The following NDUFAF2 variants were observed in gnomAD, a reference collection of about 807,000 sequenced individuals.
NDUFAF2 encodes NADH dehydrogenase [ubiquinone] 1 alpha subcomplex assembly factor 2.
A neutral mutation model predicts 22.8 loss-of-function variants in NDUFAF2; 13 were observed. That is an observed-to-expected ratio of 0.57 (90% confidence interval 0.37 to 0.91). The LOEUF is 0.91. Ranked by LOEUF, NDUFAF2 falls within the 40% of genes least tolerant of loss-of-function variation. The pLI is 0.01. For missense variants in NDUFAF2, 162 were observed against 195.2 expected, an observed-to-expected ratio of 0.83 and a Z score of 1.01; for synonymous variants, 53 against 64.2, an observed-to-expected ratio of 0.83 and a Z score of 0.84.
At chr5:61,052,223 G>A (rs1313667069) in intron 1 of NDUFAF2, among the ~76,000 whole-genome samples, 3 of 152,160 alleles carry the variant, frequency 2.0e-5, no homozygotes, top group Non-Finnish European at 2.9e-5. Context: ...CAGTATGAGA[G>A]CTTGTTAATT....
intron 2 of NDUFAF2, among the ~76,000 whole-genome samples, chr5:61,091,717 A>G (rs1752570550): frequency 1.3e-5 from 2 of 151,974 alleles, no homozygotes; most frequent in Non-Finnish European, 2.9e-5. Context: ...TGCAATTGCA[A>G]CAAAATTGCA....
intron 3 of NDUFAF2, among the ~76,000 whole-genome samples, chr5:61,109,905 G>T (rs933013586): frequency 6.6e-6 from 1 of 152,036 alleles, no homozygotes; most frequent in Non-Finnish European, 1.5e-5. Flanking sequence ...TGTCTTTATC[G>T]CAGTGTGAAA....
chr5:61,122,498 AT>A (rs1353112769), intron 3 of NDUFAF2, among the ~76,000 whole-genome samples: 17 of 152,300 alleles, frequency 1.1e-4, no homozygotes, highest in African/African-American at 4.1e-4. Flanking sequence ...CTCTACACTC[AT>A]TTAACTATCT....
At chr5:61,064,620 C>A (rs920499710) in intron 1 of NDUFAF2, among the ~76,000 whole-genome samples, 1 of 151,966 alleles carries the variant, frequency 6.6e-6, no homozygotes, top group Non-Finnish European at 1.5e-5. Flanking sequence ...TAAAAACATG[C>A]TCCTGAATGA....
intron 1 of NDUFAF2, among the ~76,000 whole-genome samples, chr5:61,045,247 ATAAAG>A (rs1446705987): frequency 1.6e-5 from 2 of 124,746 alleles, no homozygotes; most frequent in African/African-American, 3.0e-5. Context: ...ATAAAATAAA[ATAAAG>A]TTTTATTAAA....
chr5:61,141,223 G>T (rs538641904), intron 3 of NDUFAF2, among the ~76,000 whole-genome samples: 14 of 101,426 alleles, frequency 1.4e-4, no homozygotes, highest in Admixed American at 1.3e-3. Flanking sequence ...GCGAAACTCC[G>T]TCTCAAAAAA....
chr5:61,005,454 G>C (rs989798276), intron 1 of NDUFAF2, among the ~76,000 whole-genome samples: 2 of 152,190 alleles, frequency 1.3e-5, no homozygotes, highest in Non-Finnish European at 2.9e-5. Context: ...TTTATGCCCA[G>C]TAATGGGATG....
chr5:61,029,261 G>A (rs1751694438), intron 1 of NDUFAF2, among the ~76,000 whole-genome samples: 1 of 152,008 alleles, frequency 6.6e-6, no homozygotes, highest in Non-Finnish European at 1.5e-5. Context: ...TCTCAATTTG[G>A]CTGTGAACCT....
chr5:61,049,941 GGGACACTT>G (rs1752003991), intron 1 of NDUFAF2, among the ~76,000 whole-genome samples: 1 of 149,374 alleles, frequency 6.7e-6, no homozygotes, highest in Non-Finnish European at 1.5e-5. Context: ...AGTCTGATGA[GGGACACTT>G]GGGTTGTTTC....
intron 3 of NDUFAF2, among the ~76,000 whole-genome samples, chr5:61,148,299 A>G (rs1741170729): frequency 6.6e-6 from 1 of 152,068 alleles, no homozygotes; most frequent in African/African-American, 2.4e-5. Flanking sequence ...GGATCACACT[A>G]CTGTGCTGCC....
intron 1 of NDUFAF2, among the ~76,000 whole-genome samples, chr5:61,039,161 A>T (rs1751839806): frequency 6.6e-6 from 1 of 151,306 alleles, no homozygotes. Context: ...AAAAAAAAAA[A>T]GTCTTGGGGA....
intron 1 of NDUFAF2, among the ~76,000 whole-genome samples, chr5:60,998,035 C>T (rs939530093): frequency 6.6e-6 from 1 of 152,152 alleles, no homozygotes; most frequent in African/African-American, 2.4e-5. Flanking sequence ...ATTTTAAACT[C>T]TAGAATTCTC....
intron 1 of NDUFAF2, among the ~76,000 whole-genome samples, chr5:60,994,901 C>T (rs919085075): frequency 6.6e-6 from 1 of 151,670 alleles, no homozygotes; most frequent in African/African-American, 2.4e-5. Flanking sequence ...CTTTTGTCTC[C>T]TCTGATTGTG....
intron 3 of NDUFAF2, chr5:61,114,843 T>A (rs1196628274): frequency 6.6e-6 from 1 of 152,222 alleles, no homozygotes. Flanking sequence ...GGAAGAATTC[T>A]CTGGATTACC....
At chr5:60,988,000 A>T (rs78325032) in intron 1 of NDUFAF2, among the ~76,000 whole-genome samples, 1,886 of 152,292 alleles carry the variant, frequency 0.012, 18 homozygotes, top group South Asian at 0.039. Flanking sequence ...TTTGCAGAAA[A>T]CATGGTTCTA....
At chr5:61,131,647 A>G (rs1328614547) in intron 3 of NDUFAF2, among the ~76,000 whole-genome samples, 2 of 152,188 alleles carry the variant, frequency 1.3e-5, no homozygotes, top group Non-Finnish European at 2.9e-5. Context: ...TGCAGCCATT[A>G]TGAAGGATAA....
chr5:61,147,123 A>G (rs924085740), intron 3 of NDUFAF2, among the ~76,000 whole-genome samples: 2 of 151,990 alleles, frequency 1.3e-5, no homozygotes, highest in East Asian at 1.9e-4. Flanking sequence ...TTTCGTCTTC[A>G]CCTCTTGATT....
At chr5:60,961,765 CAAAAAA>C (rs11333036) in intron 1 of NDUFAF2, among the ~76,000 whole-genome samples, 1 of 114,710 alleles carries the variant, frequency 8.7e-6, no homozygotes, top group Non-Finnish European at 1.8e-5. Context: ...GACTCTGTCT[CAAAAAA>C]AAAAAAAAAA....
intron 1 of NDUFAF2, among the ~76,000 whole-genome samples, chr5:61,039,290 A>G (rs9291702): frequency 0.87 from 132,260 of 152,000 alleles, 57,750 homozygotes; most frequent in East Asian, 0.95. Flanking sequence ...TATATTTGTA[A>G]CAAGCATATT....
Sources: gnomAD v4.1 joint callset for allele counts (sites outside exome capture counted in the v4.1 genomes callset) on GRCh38, gnomAD v4.1.1 for gene constraint, MANE v1.5 for transcripts, NCBI Gene and HGNC (gene_info 2026-07-23, HGNC 2026-07-21) for gene names.